EXOC4: variants seen among roughly 807,000 people sequenced by gnomAD.
EXOC4 encodes SEC8-like 1.
Under a neutral mutation model 107.2 loss-of-function variants are expected in EXOC4, and 71 were observed. The ratio of observed to expected loss-of-function variants is 0.66; its 90% confidence interval spans 0.55 to 0.81. The LOEUF is 0.81. Among genes scored for constraint, EXOC4 ranks in the 30% least tolerant of loss-of-function variants. EXOC4 has a pLI of 0.00. For synonymous variants in EXOC4, 456 were observed against 441.2 expected, an observed-to-expected ratio of 1.03 and a Z score of -0.42; for missense variants, 1,108 against 1,189.6, an observed-to-expected ratio of 0.93 and a Z score of 1.01.
intron 7 of EXOC4, among the ~76,000 whole-genome samples, chr7:133,437,443 A>G (rs994202121): frequency 6.6e-5 from 10 of 152,092 alleles, no homozygotes; most frequent in African/African-American, 1.7e-4. Context: ...ATCACTTACT[A>G]TTTGCTCTAA....
intron 9 of EXOC4, among the ~76,000 whole-genome samples, chr7:133,494,842 T>A (rs1312271669): frequency 6.6e-6 from 1 of 152,228 alleles, no homozygotes; most frequent in Non-Finnish European, 1.5e-5. Context: ...AATAATTAGC[T>A]CTTTTTAAGT....
chr7:133,517,876 A>C (rs752804832), intron 9 of EXOC4, among the ~76,000 whole-genome samples: 1 of 152,300 alleles, frequency 6.6e-6, no homozygotes, highest in Admixed American at 6.5e-5. Flanking sequence ...TGCATATATC[A>C]GTTAGCTTTT....
At chr7:134,073,063 G>A in the EXOC4 span, among the ~76,000 whole-genome samples, 63 of 151,750 alleles carry the variant, frequency 4.2e-4, no homozygotes, top group African/African-American at 1.4e-3. Flanking sequence ...AAAGTTAGCC[G>A]GGCATAGTGG....
At chr7:133,832,461 A>T (rs1223727330) in intron 11 of EXOC4, among the ~76,000 whole-genome samples, 11 of 152,044 alleles carry the variant, frequency 7.2e-5, no homozygotes, top group Admixed American at 7.2e-4. Context: ...CCTATTCAAC[A>T]TTTCTCTCTT....
chr7:133,992,081 A>G (rs1192279235), intron 14 of EXOC4, among the ~76,000 whole-genome samples: 1 of 152,156 alleles, frequency 6.6e-6, no homozygotes, highest in Non-Finnish European at 1.5e-5. Flanking sequence ...TATTATTTCA[A>G]TCCAGGAGTG....
intron 9 of EXOC4, among the ~76,000 whole-genome samples, chr7:133,573,067 G>T (rs931028838): frequency 6.6e-6 from 1 of 152,134 alleles, no homozygotes; most frequent in Non-Finnish European, 1.5e-5. Context: ...AACTATACCA[G>T]TTCTAAAACA....
the EXOC4 span, among the ~76,000 whole-genome samples, chr7:134,077,518 C>T: frequency 4.6e-5 from 7 of 152,196 alleles, no homozygotes; most frequent in African/African-American, 9.7e-5. Flanking sequence ...TTCAGGAGGA[C>T]GAGAGAGACC....
intron 10 of EXOC4, among the ~76,000 whole-genome samples, chr7:133,685,519 G>A (rs533411758): frequency 6.6e-6 from 1 of 152,190 alleles, no homozygotes; most frequent in Admixed American, 6.5e-5. Flanking sequence ...ATAGTAGTAT[G>A]AAAATGGACT....
Position 133,817,021 on chromosome 7 carries a change from T to G in EXOC4, c.1515-304T>G, listed in dbSNP as rs548387512. On this transcript the variant is annotated intron_variant, in intron 10 of 17. Transcript: ENST00000253861. ...TTTAATTTCACAATAATTTGTGTTT[T>G]TTGTTTTTCACATTTTCCCATTGTT... is the stretch of plus-strand genomic sequence containing the variant. 7.2e-4 allele frequency among the ~76,000 whole-genome samples: 110 copies of G among 152,338 alleles called. 1 individual carries two copies. The highest frequency in any genetic ancestry group is 2.5e-3 in the African/African-American group (105 of 41,578).
intron 1 of EXOC4, among the ~76,000 whole-genome samples, chr7:133,268,705 T>G (rs918669040): frequency 5.9e-5 from 9 of 152,194 alleles, no homozygotes; most frequent in Admixed American, 4.6e-4. Context: ...TTTTAATGCT[T>G]GTTTATGGGA....
At chr7:134,052,144 G>A (rs764120386) in intron 17 of EXOC4, among the ~76,000 whole-genome samples, 2 of 152,164 alleles carry the variant, frequency 1.3e-5, no homozygotes, top group African/African-American at 4.8e-5. Flanking sequence ...AGAAAGGACA[G>A]GCAGTGAATA....
intron 9 of EXOC4, among the ~76,000 whole-genome samples, chr7:133,557,496 G>A (rs1800715694): frequency 6.6e-6 from 1 of 152,046 alleles, no homozygotes; most frequent in Non-Finnish European, 1.5e-5. Context: ...AAATCAAAAC[G>A]TTCAATTTCT....
chr7:133,957,590 A>T (rs1172530647), intron 14 of EXOC4, among the ~76,000 whole-genome samples: 1 of 152,182 alleles, frequency 6.6e-6, no homozygotes, highest in Non-Finnish European at 1.5e-5. Context: ...TGGATAATGG[A>T]TTACTCCATC....
At chr7:133,375,038 A>C in intron 7 of EXOC4, 36 bp downstream of exon 7, 1 of 1,569,934 alleles carries the variant, frequency 6.4e-7, no homozygotes, top group Non-Finnish European at 8.7e-7. Context: ...ATCTTGATTC[A>C]GAGTAACAGT....
chr7:133,650,692 C>T (rs1485257352), intron 10 of EXOC4, among the ~76,000 whole-genome samples: 2 of 152,026 alleles, frequency 1.3e-5, no homozygotes, highest in African/African-American at 4.8e-5. Flanking sequence ...TAATCCTGGC[C>T]GACTTCGTAT....
chr7:133,556,260 C>G (rs1800688597), intron 9 of EXOC4, among the ~76,000 whole-genome samples: 1 of 152,202 alleles, frequency 6.6e-6, no homozygotes, highest in Non-Finnish European at 1.5e-5. Context: ...TAGCTTGGCT[C>G]AAGTTAATGG....
chr7:133,929,953 T>C (rs1800139969), intron 13 of EXOC4, among the ~76,000 whole-genome samples: 1 of 152,100 alleles, frequency 6.6e-6, no homozygotes, highest in African/African-American at 2.4e-5. Flanking sequence ...TCTGAACAGA[T>C]TTCAATTCTT....
At chr7:133,472,821 A>C (rs1272459073) in intron 7 of EXOC4, among the ~76,000 whole-genome samples, 1 of 152,152 alleles carries the variant, frequency 6.6e-6, no homozygotes, top group Non-Finnish European at 1.5e-5. Context: ...CAATGCTGAG[A>C]GGTAACAATT....
intron 17 of EXOC4, among the ~76,000 whole-genome samples, chr7:134,028,044 C>T (rs989292843): frequency 2.0e-5 from 3 of 152,156 alleles, no homozygotes; most frequent in Non-Finnish European, 4.4e-5. Context: ...AAGAGTGATG[C>T]CCTAGGGCAA....
Sources: allele counts gnomAD v4.1 joint callset (sites outside exome capture counted in the v4.1 genomes callset), GRCh38; gene constraint gnomAD v4.1.1; transcripts MANE v1.5; gene names NCBI Gene and HGNC (gene_info 2026-07-23, HGNC 2026-07-21).